The following ABCC3 variants were observed in gnomAD, a reference collection of about 807,000 sequenced individuals.
The protein encoded by ABCC3 is ATP-binding cassette sub-family C member 3.
A neutral mutation model predicts 165.3 loss-of-function variants in ABCC3; 121 were observed. That is an observed-to-expected ratio of 0.73 (90% CI 0.63 to 0.85). The LOEUF (loss-of-function observed/expected upper bound fraction) is 0.85. Ranked by LOEUF, ABCC3 falls within the 40% of genes least tolerant of loss-of-function variation. The pLI, the probability that ABCC3 is intolerant of heterozygous loss-of-function variation, is 0.00. For missense variants in ABCC3, 1,869 were observed against 1,964.1 expected (o/e 0.95, Z 0.92); for synonymous variants, 733 against 810.1 (o/e 0.90, Z 1.62).
chr17:50,691,559 T>C lies in ABCC3; in HGVS notation c.*359T>C, dbSNP rs544504005. 1 of 221,502 alleles carries C rather than the reference T, an allele frequency of 4.5e-6. No homozygotes were observed. The highest frequency in any genetic ancestry group is 1.1e-4 in the East Asian group (1 of 9,006). 13.7% of individuals were successfully genotyped at this position (221,502 alleles called of 1,614,324 possible). A position where few individuals can be genotyped will look rare whatever the true frequency, so the allele number is the denominator to read the frequency against. ...TTTTCTAAAGTTTCGTTTCTGTTTTTTAATAAAAAGCTTTTTCCTCCTGGA... is the reference window on the plus strand; with the variant it reads ...TTTTCTAAAGTTTCGTTTCTGTTTTCTAATAAAAAGCTTTTTCCTCCTGGA... On this transcript the variant is annotated 3_prime_UTR_variant, in exon 31 of 31. Coordinates refer to ENST00000285238, the MANE Select transcript of ABCC3 (RefSeq NM_003786.4).
At chr17:50,678,347 C>CTG in intron 25 of ABCC3, 128 bp downstream of exon 25, 1 of 933,320 alleles carries the variant, frequency 1.1e-6, no homozygotes, top group Non-Finnish European at 1.4e-6. Context: ...TTCTCAAGGA[C>CTG]TGTGAGAAAA....
In ABCC3 at chr17:50,675,077, C is replaced by T. The variant is rs185312451; in HGVS notation, c.2600-285C>T. ...CCTCCCAAAGTGCTGGGATTACAGG[C>T]GTGAGCCACCATGCCCGACCAAGGA... On this transcript the variant is annotated intron_variant, in intron 19 of 30. Transcript: ENST00000285238. 3.5e-4 allele frequency among the ~76,000 whole-genome samples: 53 copies of T among 152,148 alleles called. 1 individual carries two copies. In the East Asian group the frequency reaches 7.5e-3, roughly 22 times the overall value.
intron 26 of ABCC3, among the ~76,000 whole-genome samples, chr17:50,680,882 C>A (rs909115840): frequency 2.0e-5 from 3 of 152,112 alleles, no homozygotes; most frequent in African/African-American, 7.2e-5. Flanking sequence ...CAAAACCAGC[C>A]TGGCCAACAT....
intron 17 of ABCC3, among the ~76,000 whole-genome samples, chr17:50,670,066 C>T (rs916278920): frequency 1.3e-5 from 2 of 152,060 alleles, no homozygotes; most frequent in Non-Finnish European, 2.9e-5. Flanking sequence ...CAGGCATGAG[C>T]TGCTGCACCT....
chr17:50,667,540 T>TGG lies in ABCC3; in HGVS notation c.1432-14_1432-13insGG. ...GGAGCAGGTGTGCCACTGACACTCT[T>TGG]TCTGCCTGCACAGGTAAAGCAAATG... On this transcript the variant is annotated splice_polypyrimidine_tract_variant and intron_variant, in intron 11 of 30. Coordinates refer to ENST00000285238, the MANE Select transcript of ABCC3 (RefSeq NM_003786.4). 6.3e-7 allele frequency: 1 copy of TGG among 1,599,526 alleles called. No individual in the cohort carries two copies. The highest frequency in any genetic ancestry group is 1.1e-5 in the South Asian group (1 of 89,972).
At chr17:50,667,507 CAG>C (rs770162679) in intron 11 of ABCC3, 45 bp from the exon 12 acceptor site, 19 of 1,543,948 alleles carry the variant, frequency 1.2e-5, no homozygotes, top group Non-Finnish European at 1.7e-5. Context: ...AGCAGGAGGT[CAG>C]GGGAGGGAGC....
intron 17 of ABCC3, among the ~76,000 whole-genome samples, chr17:50,671,397 C>T (rs1449906847): frequency 1.3e-5 from 2 of 152,140 alleles, no homozygotes; most frequent in Admixed American, 1.3e-4. Flanking sequence ...TATTAAGCAA[C>T]TCCTCATTCC....
Position 50,655,854 on chromosome 17 carries a change from C to T in ABCC3, c.68C>T (p.Thr23Ile). ...CAGGACTCCAACCTGTCTGTGCACACAGAAAACCCGGACCTCACTCCCTGC... is the reference window on the plus strand; with the variant it reads ...CAGGACTCCAACCTGTCTGTGCACATAGAAAACCCGGACCTCACTCCCTGC... Reference protein sequence around the residue: ...KFWDSNLSVHTENPDLTPCFQ... With the variant: ...KFWDSNLSVHIENPDLTPCFQ... The change falls in exon 2 of 31, where the codon ACA becomes ATA. Residue 23 changes from threonine to isoleucine, a missense_variant. Thr to Ile is a moderately conservative substitution (Grantham distance 89). Transcript: ENST00000285238. 1 of 1,614,048 alleles carries T rather than the reference C, an allele frequency of 6.2e-7. No homozygotes were observed. The highest frequency in any genetic ancestry group is 8.5e-7 in the Non-Finnish European group (1 of 1,179,980).
Position 50,663,661 on chromosome 17 carries a change from C to G in ABCC3, c.999-20C>G, listed in dbSNP as rs1395337270. 6.2e-7 allele frequency: 1 copy of G among 1,613,318 alleles called. No individual in the cohort carries two copies. Among genetic ancestry groups the G allele is most frequent in the South Asian group, 1.1e-5 (1 of 91,006 alleles). On this transcript the variant is annotated intron_variant, in intron 8 of 30. Coordinates refer to ENST00000285238, the MANE Select transcript of ABCC3 (RefSeq NM_003786.4). ...CATGGGGGCAGCACTGCCCACCTCA[C>G]TCCTCTCTCCTCCCCACAGCATCCT...
intron 28 of ABCC3, 117 bp downstream of exon 28, chr17:50,684,224 G>T: frequency 7.4e-7 from 1 of 1,348,532 alleles, no homozygotes; most frequent in Non-Finnish European, 1.0e-6. Context: ...TGGGCAGGTG[G>T]GGAGGGACAG....
Position 50,676,366 on chromosome 17 carries a change from GATA to G in ABCC3, c.3157_3159del (p.Ile1053del). On this transcript the variant is annotated inframe_deletion, in exon 23 of 31. Transcript: ENST00000285238. ...TGCACCAGGCACTGCTGCACAACAA[GATA>G]CGCTCGCCACAGTCCTTCTTTGACA... 6.8e-6 allele frequency: 11 copies of G among 1,614,210 alleles called. No homozygotes were observed. The highest frequency in any genetic ancestry group is 9.3e-6 in the Non-Finnish European group (11 of 1,180,038).
Position 50,691,093 on chromosome 17 carries a change from G to A in ABCC3, c.4477G>A (p.Val1493Ile). The change falls in exon 31 of 31, where the codon GTC becomes ATC. Residue 1493 changes from valine to isoleucine, a missense_variant and splice_region_variant. Physicochemically the swap from Val to Ile is conservative, Grantham distance 29. Transcript: ENST00000285238. The part of the protein sequence containing the change: ...RLNTIMDYTR[V>I]LVLDKGVVAE... ...ACCACTTCTCTCTTTTTTGACTAGG[G>A]TCCTGGTCCTGGACAAAGGAGTAGT... 1 of 1,612,480 alleles carries A rather than the reference G, an allele frequency of 6.2e-7. No homozygotes were observed. The highest frequency in any genetic ancestry group is 8.5e-7 in the Non-Finnish European group (1 of 1,178,680).
intron 6 of ABCC3, 69 bp from the exon 7 acceptor site, chr17:50,659,168 A>T: frequency 6.3e-7 from 1 of 1,578,442 alleles, no homozygotes; most frequent in Non-Finnish European, 8.7e-7. Context: ...GGAGACACTG[A>T]CCCTTGGCTC....
chr17:50,647,167 G>A (rs1052890278), intron 1 of ABCC3, among the ~76,000 whole-genome samples: 13 of 152,194 alleles, frequency 8.5e-5, no homozygotes, highest in Admixed American at 5.9e-4. Context: ...GTAAGCCATT[G>A]TGCCCGGCCA....
At chr17:50,660,053 A>G (rs1269478995) in intron 7 of ABCC3, among the ~76,000 whole-genome samples, 2 of 152,108 alleles carry the variant, frequency 1.3e-5, no homozygotes, top group Non-Finnish European at 2.9e-5. Context: ...CAGGGTCCCC[A>G]AGTTGGTGGT....
rs1967795479 is a variant in ABCC3 at position 50,676,025 on chromosome 17, C to A, written c.3002C>A (p.Ala1001Glu). 6.2e-7 allele frequency: 1 copy of A among 1,614,078 alleles called. No homozygotes were observed. The highest frequency in any genetic ancestry group is 1.3e-5 in the African/African-American group (1 of 74,914). The change falls in exon 22 of 31, where the codon GCA (alanine) becomes GAA (glutamate). Residue 1001 changes from alanine to glutamate, a missense_variant. Physicochemically the swap from Ala to Glu is moderately radical, Grantham distance 107. Transcript: ENST00000285238. ...AGTGCCTGGACAAATGATGCCATGGCAGACAGTAGACAGAACAACACTTCC... is the reference window on the plus strand; with the variant it reads ...AGTGCCTGGACAAATGATGCCATGGAAGACAGTAGACAGAACAACACTTCC... Reference protein sequence around the residue: ...WLSAWTNDAMADSRQNNTSLR... With the variant: ...WLSAWTNDAMEDSRQNNTSLR...
At chr17:50,635,257 G>A in intron 1 of ABCC3, 1 of 626,374 alleles carries the variant, frequency 1.6e-6, no homozygotes, top group Non-Finnish European at 2.9e-6. Context: ...CGCGGCTGGG[G>A]CGCAAAGGCA....
chr17:50,673,659 G>A lies in ABCC3; in HGVS notation c.2599+1G>A. 6.2e-7 allele frequency: 1 copy of A among 1,613,968 alleles called. No homozygotes were observed. Among genetic ancestry groups the A allele is most frequent in the Non-Finnish European group, 8.5e-7 (1 of 1,179,920 alleles). On this transcript the variant is annotated splice_donor_variant, in intron 19 of 30. Coordinates refer to ENST00000285238, the MANE Select transcript of ABCC3 (RefSeq NM_003786.4). LOFTEE classifies it high-confidence loss of function. ...GGGCACCTGGAGGACAGCTGGACCGGTATCTGCCATCCTGGGCCCTCTGAT... is the reference window on the plus strand; with the variant it reads ...GGGCACCTGGAGGACAGCTGGACCGATATCTGCCATCCTGGGCCCTCTGAT...
intron 4 of ABCC3, 28 bp from the exon 5 acceptor site, chr17:50,658,054 T>C (rs978886054): frequency 4.3e-6 from 7 of 1,613,604 alleles, no homozygotes; most frequent in Non-Finnish European, 5.9e-6. Context: ...TTCCAGTGCT[T>C]CTGACGCCCC....
Sources: gnomAD v4.1 joint callset for allele counts (sites outside exome capture counted in the v4.1 genomes callset) on GRCh38, gnomAD v4.1.1 for gene constraint, MANE v1.5 for transcripts, NCBI Gene and HGNC (gene_info 2026-07-23, HGNC 2026-07-21) for gene names.